The following PPP1R1C variants were observed in gnomAD, a reference collection of about 807,000 sequenced individuals.
The protein encoded by PPP1R1C is protein phosphatase 1 regulatory subunit 1C.
A neutral mutation model predicts 17.4 loss-of-function variants in PPP1R1C; 15 were observed. The ratio of observed to expected loss-of-function variants is 0.86; its 90% CI spans 0.58 to 1.33. PPP1R1C has a LOEUF of 1.33. Among genes scored for constraint, PPP1R1C ranks in the 40% most tolerant of loss-of-function variants. PPP1R1C has a pLI of 0.00. For missense variants in PPP1R1C, 143 were observed against 130.0 expected, an observed-to-expected ratio of 1.10 and a Z score of -0.48; for synonymous variants, 35 against 43.1, an observed-to-expected ratio of 0.81 and a Z score of 0.73.
intron 2 of PPP1R1C, among the ~76,000 whole-genome samples, chr2:182,005,158 C>T (rs950594365): frequency 7.9e-5 from 12 of 152,096 alleles, no homozygotes; most frequent in Admixed American, 1.3e-4. Flanking sequence ...ACTTTGATAA[C>T]GTTGGCAATA....
At chr2:181,994,608 TTGTC>T (rs1685563447) in intron 2 of PPP1R1C, among the ~76,000 whole-genome samples, 1 of 152,190 alleles carries the variant, frequency 6.6e-6, no homozygotes, top group Non-Finnish European at 1.5e-5. Context: ...ATCTGACCCA[TTGTC>T]TGGTCATGTT....
At chr2:182,088,639 T>G (rs1196150) in intron 4 of PPP1R1C, among the ~76,000 whole-genome samples, 13,326 of 152,156 alleles carry the variant, frequency 0.088, 1,441 homozygotes, top group African/African-American at 0.25. Context: ...GCAAGGCTAA[T>G]GGGGGGTTTG....
intron 4 of PPP1R1C, among the ~76,000 whole-genome samples, chr2:182,073,919 C>T (rs1317856074): frequency 6.6e-6 from 1 of 152,040 alleles, no homozygotes; most frequent in Non-Finnish European, 1.5e-5. Flanking sequence ...GGATTGTATC[C>T]CGAGACAATA....
chr2:182,104,953 C>T (rs933798937), intron 4 of PPP1R1C, among the ~76,000 whole-genome samples: 1 of 151,930 alleles, frequency 6.6e-6, no homozygotes, highest in African/African-American at 2.4e-5. Context: ...TTAATCTGTT[C>T]ATGTTTTCGT....
intron 4 of PPP1R1C, among the ~76,000 whole-genome samples, chr2:182,093,499 T>C (rs1050763980): frequency 1.3e-5 from 2 of 152,206 alleles, no homozygotes; most frequent in Admixed American, 6.5e-5. Context: ...CAGTTTGAAT[T>C]TCTGTTCAGA....
At chr2:182,033,556 A>G (rs974931724) in intron 2 of PPP1R1C, among the ~76,000 whole-genome samples, 11 of 152,134 alleles carry the variant, frequency 7.2e-5, no homozygotes, top group Non-Finnish European at 1.0e-4. Flanking sequence ...TTTGTCTCTT[A>G]AAATATTTCT....
At chr2:181,992,038 A>G (rs1175233871) in intron 2 of PPP1R1C, among the ~76,000 whole-genome samples, 2 of 152,238 alleles carry the variant, frequency 1.3e-5, no homozygotes, top group Non-Finnish European at 2.9e-5. Flanking sequence ...ATATTTGGCT[A>G]CCAGCGTTTG....
intron 4 of PPP1R1C, among the ~76,000 whole-genome samples, chr2:182,107,363 G>A (rs1515898): frequency 0.69 from 104,956 of 152,070 alleles, 36,643 homozygotes; most frequent in African/African-American, 0.79. Context: ...CAGATTAAAC[G>A]TTGTCCCCAT....
chr2:182,071,484 T>G (rs1311324256), intron 4 of PPP1R1C, among the ~76,000 whole-genome samples: 2 of 152,204 alleles, frequency 1.3e-5, no homozygotes, highest in Non-Finnish European at 2.9e-5. Flanking sequence ...TTGACCTTGA[T>G]CACCTGGCTG....
chr2:182,033,160 T>C (rs554834752), intron 2 of PPP1R1C, among the ~76,000 whole-genome samples: 53 of 152,290 alleles, frequency 3.5e-4, no homozygotes, highest in African/African-American at 1.3e-3. Context: ...ATTCTTTTCT[T>C]CCCTGATTTT....
intron 2 of PPP1R1C, among the ~76,000 whole-genome samples, chr2:182,035,827 G>C (rs1201151205): frequency 6.6e-6 from 1 of 152,184 alleles, no homozygotes; most frequent in African/African-American, 2.4e-5. Flanking sequence ...GTATCAGGTA[G>C]TGCTTTATAG....
chr2:182,126,953 C>T lies in PPP1R1C; in HGVS notation c.*7-2021C>T, dbSNP rs553960519. 1.2e-3 allele frequency among the ~76,000 whole-genome samples: 184 copies of T among 152,078 alleles called. 1 individual carries two copies. The highest frequency in any genetic ancestry group is 4.1e-3 in the African/African-American group (171 of 41,514). ...ATTCATCTTTGTTTTTAATTTCTTA[C>T]GCTATAAACATGACTTAACAGGGTT... On this transcript the variant is annotated intron_variant, in intron 5 of 5. Coordinates refer to the PPP1R1C transcript ENST00000280295.
chr2:182,077,996 GT>G (rs1171125313), intron 4 of PPP1R1C, among the ~76,000 whole-genome samples: 6 of 152,104 alleles, frequency 3.9e-5, no homozygotes, highest in African/African-American at 1.4e-4. Flanking sequence ...GGCTAACATG[GT>G]AAAACCCCTA....
intron 1 of PPP1R1C, among the ~76,000 whole-genome samples, chr2:181,987,352 A>G (rs1016544543): frequency 6.6e-6 from 1 of 152,092 alleles, no homozygotes; most frequent in Non-Finnish European, 1.5e-5. Context: ...TCTAAATATT[A>G]TACTAGAAAA....
intron 1 of PPP1R1C, among the ~76,000 whole-genome samples, chr2:181,955,780 A>G (rs1574336749): frequency 1.3e-5 from 2 of 152,214 alleles, no homozygotes; most frequent in Admixed American, 6.5e-5. Flanking sequence ...AGTAAATAAA[A>G]TGATCTTCAA....
At chr2:182,025,229 T>A in intron 2 of PPP1R1C, among the ~76,000 whole-genome samples, 1 of 148,052 alleles carries the variant, frequency 6.8e-6, no homozygotes. Context: ...TTATTATACT[T>A]TAAGTTTTAG....
rs146002922 is a variant in PPP1R1C, at chr2:182,001,122, A to T, written c.142+13223A>T. 1.2e-3 allele frequency among the ~76,000 whole-genome samples: 187 copies of T among 152,298 alleles called. 1 individual carries two copies. In the East Asian group the frequency reaches 0.035, roughly 28 times the overall value. ...TAAAATATTTATGGGCATAATTTAA[A>T]GTGGCCTTTGAAGCACAAAACACAG... On this transcript the variant is annotated intron_variant, in intron 2 of 4. Coordinates refer to ENST00000682840, the MANE Select transcript of PPP1R1C (RefSeq NM_001080545.3).
At chr2:182,116,285 C>T (rs1313254323) in intron 4 of PPP1R1C, among the ~76,000 whole-genome samples, 1 of 152,070 alleles carries the variant, frequency 6.6e-6, no homozygotes, top group Non-Finnish European at 1.5e-5. Context: ...TTCTCAGCAT[C>T]GAGGAGTTTT....
rs1457633782 is a variant in PPP1R1C at position 181,962,134 on chromosome 2, G to A, written n.111+7500G>A. 9.6e-6 allele frequency: 7 copies of A among 730,182 alleles called. No individual in the cohort carries two copies. The highest frequency in any genetic ancestry group is 6.8e-5 in the South Asian group (5 of 73,416). The allele number at this position is 730,182 out of a possible 1,614,324, so 45.2% of individuals were successfully genotyped here. A position where few individuals can be genotyped will look rare whatever the true frequency, so the allele number is the denominator to read the frequency against. On this transcript the variant is annotated intron_variant and non_coding_transcript_variant, in intron 1 of 5. Transcript: ENST00000464264. This position sits in a 1 kb window ranked among gnomAD's most constrained non-coding sequence, Gnocchi z 6.0. ...TGACCTGGAGTCCCTTCTTCTCCAG[G>A]TGCTCCCGGATTTTGCTCTCCAGCT...
Sources: gnomAD v4.1 joint callset for allele counts (sites outside exome capture counted in the v4.1 genomes callset) on GRCh38, gnomAD v4.1.1 for gene constraint, Gnocchi (gnomAD v3.1) non-coding constraint, MANE v1.5 for transcripts, NCBI Gene and HGNC (gene_info 2026-07-23, HGNC 2026-07-21) for gene names.